The following UMOD variants were observed in gnomAD, a reference collection of about 807,000 sequenced individuals.
UMOD encodes Tamm-Horsfall urinary glycoprotein.
In UMOD, 64 loss-of-function variants were observed where a neutral mutation model predicts 66.0. The observed-to-expected ratio is 0.97, with a 90% CI of 0.79 to 1.19. The LOEUF (loss-of-function observed/expected upper bound fraction) is 1.19, where lower values mean the gene tolerates loss of function less well. UMOD is among the 50% of genes most tolerant of loss of function. UMOD has a pLI of 0.00. For synonymous variants in UMOD, 398 were observed against 352.7 expected (o/e 1.13, Z -1.44); for missense variants, 764 against 850.9 (o/e 0.90, Z 1.27).
rs781774946 is a variant in UMOD at position 20,333,338 on chromosome 16, G to A, written c.1899C>T (p.Ala633=). The change falls in exon 11 of 11, where the codon GCC becomes GCT. Residue 633 remains alanine, a synonymous_variant. Coordinates refer to ENST00000396138, the MANE Select transcript of UMOD (RefSeq NM_003361.4). ...GTCACTGAAAAGTCAGGGTCAAGGTGGCCGAGAGAAGCAGAGGCAGCCAGA... is the reference window on the plus strand; with the variant it reads ...GTCACTGAAAAGTCAGGGTCAAGGTAGCCGAGAGAAGCAGAGGCAGCCAGA... ...LKVWLPLLLS[A]TLTLTFQ The A allele has an allele frequency of 6.2e-6, 10 of 1,613,304 alleles. No homozygotes were observed. Among genetic ancestry groups the A allele is most frequent in the South Asian group, 4.4e-5 (4 of 90,860 alleles).
intron 10 of UMOD, among the ~76,000 whole-genome samples, chr16:20,334,230 T>C (rs1964753785): frequency 6.6e-6 from 1 of 152,040 alleles, no homozygotes; most frequent in Non-Finnish European, 1.5e-5. Flanking sequence ...GTGGGGGTTC[T>C]TGTTTGGCCG....
chr16:20,346,348 G>T lies in UMOD; in HGVS notation c.974-14C>A, dbSNP rs2141666947. ...GGAGGGAGATATCTGAAACAGGTTA[G>T]GTGGGATTGAGGACGTGTGTCTATA... On this transcript the variant is annotated splice_polypyrimidine_tract_variant and intron_variant, in intron 4 of 10. Coordinates refer to ENST00000396138, the MANE Select transcript of UMOD (RefSeq NM_003361.4). The T allele has an allele frequency of 6.2e-7, 1 of 1,614,156 alleles. No individual in the cohort carries two copies. The highest frequency in any genetic ancestry group is 1.7e-5 in the Admixed American group (1 of 60,036).
rs767598092 is a variant in UMOD, at chr16:20,341,134, T to C, written c.1534A>G (p.Ser512Gly). The C allele has an allele frequency of 6.8e-6, 11 of 1,614,148 alleles. No homozygotes were observed. Among genetic ancestry groups the C allele is most frequent in the Non-Finnish European group, 8.5e-6 (10 of 1,180,024 alleles). ...LMTNCYATPS[S>G]NATDPLKYFI... is the part of the protein sequence containing the mutation. ...TACTTCAGGGGGTCCGTGGCATTGC[T>C]ACTGGGTGTGGCATAGCAGTTGGTC... Residue 512 changes from serine to glycine, a missense_variant, in exon 7 of 11, where the codon AGC (serine) becomes GGC (glycine). Ser to Gly is a moderately conservative substitution (Grantham distance 56). Coordinates refer to ENST00000396138, the MANE Select transcript of UMOD (RefSeq NM_003361.4).
chr16:20,349,841 C>A, intron 2 of UMOD: 1 of 1,549,472 alleles, frequency 6.5e-7, no homozygotes, highest in African/African-American at 1.4e-5. Flanking sequence ...TCCTCCAACT[C>A]CACCTGGCTG....
At chr16:20,349,794 T>C in intron 2 of UMOD, 1 of 1,550,106 alleles carries the variant, frequency 6.5e-7, no homozygotes. Flanking sequence ...GAAATCTTCA[T>C]CAGGACCCTG....
intron 5 of UMOD, among the ~76,000 whole-genome samples, chr16:20,344,378 G>A (rs1460093768): frequency 4.6e-5 from 7 of 152,170 alleles, no homozygotes; most frequent in African/African-American, 1.2e-4. Context: ...CGAGGCAGGC[G>A]GATCACCTGA....
chr16:20,346,441 C>T, intron 4 of UMOD, 107 bp from the exon 5 acceptor site: 3 of 1,092,250 alleles, frequency 2.7e-6, no homozygotes, highest in South Asian at 2.6e-5. Flanking sequence ...TCTGGAAGTG[C>T]TCAGCATAGC....
intron 1 of UMOD, among the ~76,000 whole-genome samples, chr16:20,351,672 TG>T (rs969190682): frequency 4.9e-4 from 75 of 152,266 alleles, no homozygotes; most frequent in Admixed American, 1.5e-3. Flanking sequence ...TCAAAGGCAT[TG>T]GGTCCTAGAG....
intron 4 of UMOD, 72 bp from the exon 5 acceptor site, chr16:20,346,406 G>T: frequency 2.0e-6 from 3 of 1,518,844 alleles, no homozygotes; most frequent in Non-Finnish European, 2.7e-6. Flanking sequence ...CAGGGGCCAG[G>T]TCCAGCTGGC....
intron 2 of UMOD, 112 bp downstream of exon 2, chr16:20,350,538 G>A: frequency 7.6e-7 from 1 of 1,318,568 alleles, no homozygotes; most frequent in Non-Finnish European, 1.1e-6. Context: ...CAAGTCTCAA[G>A]TGCGATAGGA....
At chr16:20,350,626 A>G in intron 2 of UMOD, 24 bp downstream of exon 2, 1 of 1,613,634 alleles carries the variant, frequency 6.2e-7, no homozygotes, top group South Asian at 1.1e-5. Context: ...ACACATATAC[A>G]ACGCACACAC....
chr16:20,353,810 G>A (rs1965985007), upstream of UMOD, among the ~76,000 whole-genome samples: 1 of 152,028 alleles, frequency 6.6e-6, no homozygotes, highest in Non-Finnish European at 1.5e-5. Context: ...ACAACGTGCA[G>A]GTTTGTTACA....
Position 20,341,356 on chromosome 16 carries a change from G to A in UMOD, c.1332-20C>T, listed in dbSNP as rs752120793. 13 of 1,612,102 alleles carry A rather than the reference G, an allele frequency of 8.1e-6. No individual in the cohort carries two copies. In the Admixed American group the frequency reaches 8.3e-5, roughly 10 times the overall value. The stretch of plus-strand genomic sequence containing the variant: ...AGAGCACTGCCAGGGGAGAAGGGTT[G>A]GTGAGAGGACCGGGCTGAGAACATC... On this transcript the variant is annotated intron_variant, in intron 6 of 10. Transcript: ENST00000396138.
intron 7 of UMOD, 82 bp downstream of exon 7, chr16:20,341,009 A>AT: frequency 5.9e-6 from 8 of 1,347,756 alleles, no homozygotes; most frequent in South Asian, 1.4e-5. Flanking sequence ...AAAAAAAAAA[A>AT]GATGCAATTT....
chr16:20,342,157 C>T (rs760896487), intron 6 of UMOD, among the ~76,000 whole-genome samples: 3 of 152,156 alleles, frequency 2.0e-5, no homozygotes, highest in Non-Finnish European at 2.9e-5. Context: ...CTAGCCTGGT[C>T]CATGTAACAA....
At chr16:20,335,840 C>T (rs889317466) in intron 9 of UMOD, among the ~76,000 whole-genome samples, 1 of 152,188 alleles carries the variant, frequency 6.6e-6, no homozygotes, top group African/African-American at 2.4e-5. Flanking sequence ...CCAAGCTGTA[C>T]TCTTGAAATG....
At chr16:20,348,195 C>A (rs200571853) in intron 4 of UMOD, 28 bp downstream of exon 4, 2 of 1,605,650 alleles carry the variant, frequency 1.2e-6, no homozygotes, top group Admixed American at 1.7e-5. Context: ...GGTTTCTCAA[C>A]AACCCGCTTC....
At position 20,348,884 on chromosome 16, in the gene UMOD, C is replaced by G; in HGVS notation, c.417G>C (p.Ala139=). Reference sequence around the variant, plus strand: ...AGTGCCATCCATCCCCCCGGTAGCCCGCGGGGCATACGCACAAGTAGCTGC... The same window carrying G: ...AGTGCCATCCATCCCCCCGGTAGCCGGCGGGGCATACGCACAAGTAGCTGC... ...VVGSYLCVCP[A]GYRGDGWHCE... Residue 139 remains alanine, a synonymous_variant, in exon 3 of 11, where the codon GCG becomes GCC. Transcript: ENST00000396138. 11 of 1,552,414 alleles carry G rather than the reference C, an allele frequency of 7.1e-6. No individual in the cohort carries two copies. The highest frequency in any genetic ancestry group is 9.6e-6 in the Non-Finnish European group (11 of 1,148,888).
chr16:20,345,438 CTTT>C (rs1965503637), intron 5 of UMOD, among the ~76,000 whole-genome samples: 2 of 33,852 alleles, frequency 5.9e-5, no homozygotes, highest in South Asian at 6.1e-4. Context: ...CTCTTTCTTT[CTTT>C]CTTCCTTTCT....
Sources: allele counts gnomAD v4.1 joint callset (sites outside exome capture counted in the v4.1 genomes callset), GRCh38; gene constraint gnomAD v4.1.1; transcripts MANE v1.5; gene names NCBI Gene and HGNC (gene_info 2026-07-23, HGNC 2026-07-21).